Variants in C8orf74 observed in about 807,000 individuals in gnomAD.
C8orf74 encodes the protein chromosome 8 open reading frame 74, also known as uncharacterized protein C8orf74.
A neutral mutation model predicts 22.2 loss-of-function variants in C8orf74; 29 were observed. The observed-to-expected ratio is 1.31, with a 90% CI of 0.97 to 1.78. C8orf74 has a LOEUF of 1.78. C8orf74 is among the 40% of genes most tolerant of loss of function. The probability of loss-of-function intolerance (pLI) is 0.00; values close to 1 mark genes in which losing one functional copy is unlikely to be tolerated. For synonymous variants in C8orf74, 255 were observed against 163.1 expected (o/e 1.56, Z -4.30); for missense variants, 515 against 369.9 (o/e 1.39, Z -3.22).
At position 10,700,514 on chromosome 8, in the gene C8orf74, C is replaced by A; in HGVS notation, c.*43C>A. 1 of 1,318,984 alleles carries A rather than the reference C, an allele frequency of 7.6e-7. No individual in the cohort carries two copies. Among genetic ancestry groups the A allele is most frequent in the Non-Finnish European group, 1.0e-6 (1 of 963,542 alleles). The allele number at this position is 1,318,984 out of a possible 1,614,324, so 81.7% of individuals were successfully genotyped here. A position where few individuals can be genotyped will look rare whatever the true frequency, so the allele number is the denominator to read the frequency against. On this transcript the variant is annotated 3_prime_UTR_variant, in exon 4 of 4. Coordinates refer to ENST00000304519, the MANE Select transcript of C8orf74 (RefSeq NM_001040032.2). ...ACGAGACTGACTGGGGACCAGCCAC[C>A]CATAACCATGAGCCTTGCGGCACGG...
rs73666404 is a variant in C8orf74 at position 10,673,202 on chromosome 8, T to C, written c.48+489T>C. Among the ~76,000 whole-genome samples, 628 of 152,218 alleles carry C rather than the reference T, an allele frequency of 4.1e-3. 3 individuals are homozygous for C. Among genetic ancestry groups the C allele is most frequent in the African/African-American group, 0.014 (576 of 41,534 alleles). On this transcript the variant is annotated intron_variant, in intron 1 of 3. Coordinates refer to ENST00000304519, the MANE Select transcript of C8orf74 (RefSeq NM_001040032.2). ...GGGGTCCTCCCAGCCAGAGGATCCC[T>C]TGCCTCAGGAAAGCAACACTCTTGC...
chr8:10,700,185 T>A (rs1452209690), intron 3 of C8orf74, 50 bp from the exon 4 acceptor site: 4 of 1,223,536 alleles, frequency 3.3e-6, no homozygotes, highest in Non-Finnish European at 4.6e-6. Context: ...GAGAACTGGA[T>A]CCGGCGAGGC....
chr8:10,687,373 G>A (rs1799283034), intron 2 of C8orf74: 1 of 290,886 alleles, frequency 3.4e-6, no homozygotes, highest in African/African-American at 2.2e-5. Flanking sequence ...ATTACGGCTA[G>A]GCGCAATGGC....
At chr8:10,680,529 G>A (rs1025860880) in intron 2 of C8orf74, among the ~76,000 whole-genome samples, 3 of 152,182 alleles carry the variant, frequency 2.0e-5, no homozygotes, top group African/African-American at 4.8e-5. Context: ...CATGGTTCAG[G>A]GCAAGAAGGA....
rs61742975 is a variant in C8orf74 at position 10,697,679 on chromosome 8, C to T, written c.322C>T (p.Leu108=). Residue 108 remains leucine, a synonymous_variant, in exon 3 of 4, where the codon CTG becomes TTG. Transcript: ENST00000304519. The part of the protein sequence containing the change: ...YRGHFNTTHL[L]ALCDYFHHTF... ...GGGCCATTTCAACACCACCCACCTG[C>T]TGGCCCTCTGTGACTACTTCCACCA... 0.015 allele frequency: 23,869 copies of T among 1,613,928 alleles called. 2,086 individuals are homozygous for T. In the African/African-American group the frequency reaches 0.22, roughly 15 times the overall value.
intron 2 of C8orf74, among the ~76,000 whole-genome samples, chr8:10,683,257 C>T (rs6601503): frequency 0.62 from 94,059 of 152,150 alleles, 33,036 homozygotes; most frequent in East Asian, 0.9. Context: ...CAGGAAGGCT[C>T]CAGGATGGTA....
intron 2 of C8orf74, among the ~76,000 whole-genome samples, chr8:10,694,252 C>T (rs187763839): frequency 5.7e-4 from 86 of 152,084 alleles, no homozygotes; most frequent in Admixed American, 1.1e-3. Flanking sequence ...TACATAGTGC[C>T]GAGTAATTAA....
intron 2 of C8orf74, among the ~76,000 whole-genome samples, chr8:10,693,450 T>C (rs1799426268): frequency 6.6e-6 from 1 of 152,190 alleles, no homozygotes; most frequent in African/African-American, 2.4e-5. Flanking sequence ...CCTGGAAGAA[T>C]TCTTGGCACA....
intron 2 of C8orf74, chr8:10,686,582 C>A (rs1799266766): frequency 6.5e-6 from 1 of 153,058 alleles, no homozygotes; most frequent in Non-Finnish European, 1.5e-5. Context: ...TACAGCCACA[C>A]CACCTTGAAC....
chr8:10,694,453 A>C (rs1799446794), intron 2 of C8orf74, among the ~76,000 whole-genome samples: 1 of 152,146 alleles, frequency 6.6e-6, no homozygotes, highest in Non-Finnish European at 1.5e-5. Flanking sequence ...TGAAGGCTTC[A>C]ATATTTAAAG....
At position 10,674,766 on chromosome 8, in the gene C8orf74, G is replaced by A. The variant is rs1389898281; in HGVS notation, c.169G>A (p.Gly57Ser). 6.2e-7 allele frequency: 1 copy of A among 1,607,092 alleles called. No individual in the cohort carries two copies. Among genetic ancestry groups the A allele is most frequent in the Non-Finnish European group, 8.5e-7 (1 of 1,176,920 alleles). Residue 57 changes from glycine to serine, a missense_variant, in exon 2 of 4, where the codon GGC (glycine) becomes AGC (serine). By Grantham distance (56) the Gly-to-Ser change is moderately conservative. Transcript: ENST00000304519. ...TLYESIIFAV[G>S]KGFPWVEVAQ... ...CTACGAGAGCATCATCTTTGCAGTG[G>A]GCAAAGGCTTCCCATGGGTGGAGGT...
intron 2 of C8orf74, among the ~76,000 whole-genome samples, chr8:10,681,500 C>T (rs1161582457): frequency 6.6e-6 from 1 of 152,070 alleles, no homozygotes; most frequent in Non-Finnish European, 1.5e-5. Context: ...CTTGAGGAGC[C>T]GCAGAGATTT....
At chr8:10,679,872 G>C (rs975800151) in intron 2 of C8orf74, 1 of 152,724 alleles carries the variant, frequency 6.5e-6, no homozygotes, top group Non-Finnish European at 1.5e-5. Context: ...TCACCAGGCC[G>C]TCCCCTTTCT....
At chr8:10,672,924 T>A (rs1798947860) in intron 1 of C8orf74, among the ~76,000 whole-genome samples, 2 of 152,136 alleles carry the variant, frequency 1.3e-5, no homozygotes, top group South Asian at 2.1e-4. Flanking sequence ...TCAAGCCACA[T>A]GCAGGCCCAG....
chr8:10,690,439 G>A (rs1380847043), intron 2 of C8orf74, among the ~76,000 whole-genome samples: 4 of 152,186 alleles, frequency 2.6e-5, no homozygotes, highest in Non-Finnish European at 4.4e-5. Flanking sequence ...GATGAAGGAT[G>A]CTGTTGGGTG....
chr8:10,678,547 C>T (rs1281965953), intron 2 of C8orf74, among the ~76,000 whole-genome samples: 1 of 149,884 alleles, frequency 6.7e-6, no homozygotes, highest in African/African-American at 2.5e-5. Context: ...TGACCCTGCA[C>T]TGCAGGAGAT....
At chr8:10,676,623 C>T (rs902402596) in intron 2 of C8orf74, among the ~76,000 whole-genome samples, 16 of 152,278 alleles carry the variant, frequency 1.1e-4, no homozygotes, top group African/African-American at 3.9e-4. Flanking sequence ...CCTGCGTTCC[C>T]ACCCAGTGGT....
Position 10,685,380 on chromosome 8 carries a change from T to A in C8orf74, c.241+10542T>A, listed in dbSNP as rs528940856. Reference sequence around the variant, plus strand: ...AAGTATTACTCACAATAGCCAAAAGTGGAAGTCACCCTAGTGAGCATGGAT... The same window carrying A: ...AAGTATTACTCACAATAGCCAAAAGAGGAAGTCACCCTAGTGAGCATGGAT... On this transcript the variant is annotated intron_variant, in intron 2 of 3. Coordinates refer to ENST00000304519, the MANE Select transcript of C8orf74 (RefSeq NM_001040032.2). 1.1e-3 allele frequency among the ~76,000 whole-genome samples: 175 copies of A among 152,270 alleles called. 1 individual carries two copies. The highest frequency in any genetic ancestry group is 1.8e-3 in the Non-Finnish European group (124 of 68,032).
intron 2 of C8orf74, among the ~76,000 whole-genome samples, chr8:10,694,198 G>A (rs1264264027): frequency 6.6e-6 from 1 of 152,160 alleles, no homozygotes; most frequent in Admixed American, 6.5e-5. Flanking sequence ...GCAACTGAGA[G>A]CAGGGGATAT....
Sources: gnomAD v4.1 joint callset for allele counts (sites outside exome capture counted in the v4.1 genomes callset) on GRCh38, gnomAD v4.1.1 for gene constraint, MANE v1.5 for transcripts, NCBI Gene and HGNC (gene_info 2026-07-23, HGNC 2026-07-21) for gene names.